Variants in TCERG1L observed in about 807,000 individuals in gnomAD.
The protein encoded by TCERG1L is transcription elongation regulator 1-like protein.
TCERG1L carries 37 observed loss-of-function variants against 56.3 expected under a neutral mutation model. The ratio of observed to expected loss-of-function variants is 0.66; its 90% CI spans 0.51 to 0.87. TCERG1L has a LOEUF of 0.87. Ranked by LOEUF, TCERG1L falls within the 40% of genes least tolerant of loss-of-function variation. The probability of loss-of-function intolerance (pLI) is 0.00; values close to 1 mark genes in which losing one functional copy is unlikely to be tolerated. For synonymous variants in TCERG1L, 324 were observed against 326.3 expected (o/e 0.99, Z 0.08); for missense variants, 799 against 774.2 (o/e 1.03, Z -0.38).
chr10:131,173,722 T>A (rs969277637), intron 4 of TCERG1L, among the ~76,000 whole-genome samples: 2 of 152,204 alleles, frequency 1.3e-5, no homozygotes, highest in African/African-American at 4.8e-5. Context: ...TGCCATGTAG[T>A]GCAGGGAAGG....
intron 10 of TCERG1L, among the ~76,000 whole-genome samples, chr10:131,098,672 ACGTGAAGCAG>A (rs1845273933): frequency 6.6e-6 from 1 of 152,212 alleles, no homozygotes; most frequent in Non-Finnish European, 1.5e-5. Context: ...TCTGGGTCAA[ACGTGAAGCAG>A]CCCTGCTGGA....
intron 3 of TCERG1L, among the ~76,000 whole-genome samples, chr10:131,273,370 C>T (rs78135327): frequency 0.02 from 3,075 of 152,284 alleles, 76 homozygotes; most frequent in East Asian, 0.076. Flanking sequence ...ACCAGGAACC[C>T]GGTTCCCAAA....
intron 4 of TCERG1L, among the ~76,000 whole-genome samples, chr10:131,194,194 A>C (rs980309942): frequency 6.6e-6 from 1 of 152,246 alleles, no homozygotes; most frequent in Non-Finnish European, 1.5e-5. Flanking sequence ...CCATTCAACA[A>C]ACATTGGGAA....
chr10:131,232,459 C>T (rs1271473359), intron 4 of TCERG1L, among the ~76,000 whole-genome samples: 4 of 152,242 alleles, frequency 2.6e-5, no homozygotes, highest in Non-Finnish European at 2.9e-5. Context: ...AGACCGTACA[C>T]GCACACGCTC....
intron 8 of TCERG1L, among the ~76,000 whole-genome samples, chr10:131,121,859 G>A (rs1468965937): frequency 1.3e-5 from 2 of 152,220 alleles, no homozygotes; most frequent in African/African-American, 4.8e-5. Flanking sequence ...TGAGAGAGAT[G>A]CCCCCTCAGC....
chr10:131,107,326 G>A (rs970385677), intron 9 of TCERG1L, among the ~76,000 whole-genome samples: 1 of 152,150 alleles, frequency 6.6e-6, no homozygotes, highest in Non-Finnish European at 1.5e-5. Flanking sequence ...AGTTCTAGAA[G>A]TATAATAAAA....
intron 4 of TCERG1L, among the ~76,000 whole-genome samples, chr10:131,230,936 G>A (rs1323723307): frequency 1.3e-5 from 2 of 151,970 alleles, no homozygotes; most frequent in Admixed American, 6.5e-5. Context: ...CAGAGCTAGT[G>A]ATAGACTTCG....
chr10:131,225,176 T>C (rs977537020), intron 4 of TCERG1L, among the ~76,000 whole-genome samples: 2 of 152,200 alleles, frequency 1.3e-5, no homozygotes, highest in African/African-American at 2.4e-5. Flanking sequence ...TGCACTGTAT[T>C]AGTTTATCAG....
chr10:131,174,524 C>T (rs1025420841), intron 4 of TCERG1L, among the ~76,000 whole-genome samples: 11 of 152,164 alleles, frequency 7.2e-5, no homozygotes, highest in African/African-American at 2.7e-4. Context: ...CTCCGCCCGC[C>T]TCTCCCTCTC....
At chr10:131,228,175 G>A (rs950122837) in intron 4 of TCERG1L, among the ~76,000 whole-genome samples, 1 of 150,040 alleles carries the variant, frequency 6.7e-6, no homozygotes, top group Non-Finnish European at 1.5e-5. Context: ...CTCCGGACAG[G>A]CATTTCCTCA....
At chr10:131,215,002 A>G (rs7073939) in intron 4 of TCERG1L, among the ~76,000 whole-genome samples, 14,247 of 152,212 alleles carry the variant, frequency 0.094, 755 homozygotes, top group African/African-American at 0.15. Context: ...AGGCGGAAAC[A>G]GGGGCACTCA....
intron 4 of TCERG1L, among the ~76,000 whole-genome samples, chr10:131,227,559 C>T (rs1589754807): frequency 6.6e-6 from 1 of 152,202 alleles, no homozygotes; most frequent in Non-Finnish European, 1.5e-5. Context: ...CACTCAGATC[C>T]CGGAAAGGAC....
At chr10:131,187,695 C>T (rs1278876943) in intron 4 of TCERG1L, among the ~76,000 whole-genome samples, 1 of 152,170 alleles carries the variant, frequency 6.6e-6, no homozygotes, top group African/African-American at 2.4e-5. Context: ...CCTGCCCCGA[C>T]CTAACTGAGC....
intron 4 of TCERG1L, among the ~76,000 whole-genome samples, chr10:131,174,243 G>A (rs539274954): frequency 6.6e-6 from 1 of 152,354 alleles, no homozygotes; most frequent in East Asian, 1.9e-4. Flanking sequence ...CACTGGGGCA[G>A]GAGGGTGGTG....
At chr10:131,191,839 T>C (rs1361952804) in intron 4 of TCERG1L, among the ~76,000 whole-genome samples, 1 of 91,112 alleles carries the variant, frequency 1.1e-5, no homozygotes, top group African/African-American at 4.5e-5. Flanking sequence ...CACTCCAGCC[T>C]GGGGGACAGA....
At chr10:131,197,306 C>A (rs998314011) in intron 4 of TCERG1L, among the ~76,000 whole-genome samples, 2 of 152,050 alleles carry the variant, frequency 1.3e-5, no homozygotes, top group Non-Finnish European at 2.9e-5. Flanking sequence ...CTCAGCCTCC[C>A]GAGTAGCTGG....
At chr10:131,176,466 GCA>G (rs1168848828) in intron 4 of TCERG1L, among the ~76,000 whole-genome samples, 2 of 9,564 alleles carry the variant, frequency 2.1e-4, no homozygotes, top group Non-Finnish European at 4.7e-4. Context: ...CAAGAAACAT[GCA>G]CACACAGACA....
intron 4 of TCERG1L, among the ~76,000 whole-genome samples, chr10:131,236,829 C>A (rs1027838272): frequency 2.6e-5 from 4 of 152,090 alleles, no homozygotes; most frequent in African/African-American, 7.2e-5. Context: ...GAAGATCCAG[C>A]CTTCATCTAG....
chr10:131,253,902 G>GA (rs1846140216), intron 4 of TCERG1L, among the ~76,000 whole-genome samples: 1 of 152,210 alleles, frequency 6.6e-6, no homozygotes, highest in African/African-American at 2.4e-5. Flanking sequence ...GCCAGTGGGG[G>GA]AGAGAAGATA....
Sources: gnomAD v4.1 joint callset for allele counts (sites outside exome capture counted in the v4.1 genomes callset) on GRCh38, gnomAD v4.1.1 for gene constraint, MANE v1.5 for transcripts, NCBI Gene and HGNC (gene_info 2026-07-23, HGNC 2026-07-21) for gene names.